LAMC1: variants seen among roughly 807,000 people sequenced by gnomAD.
LAMC1 encodes laminin subunit gamma-1.
A neutral mutation model predicts 173.6 loss-of-function variants in LAMC1; 38 were observed. That is an observed-to-expected ratio of 0.22 (90% CI 0.17 to 0.29). LAMC1 has a LOEUF of 0.29. LAMC1 is among the 10% of genes least tolerant of loss of function. The probability of loss-of-function intolerance (pLI) is 1.00; values close to 1 mark genes in which losing one functional copy is unlikely to be tolerated. For missense variants in LAMC1, 1,824 were observed against 2,051.8 expected, an observed-to-expected ratio of 0.89 and a Z score of 2.14; for synonymous variants, 746 against 749.1, an observed-to-expected ratio of 1.00 and a Z score of 0.07.
intron 1 of LAMC1, among the ~76,000 whole-genome samples, chr1:183,077,519 C>T (rs755743560): frequency 6.6e-6 from 1 of 152,030 alleles, no homozygotes; most frequent in Admixed American, 6.6e-5. Flanking sequence ...GCACTATACA[C>T]CACACCCTAT....
rs557391639 is a variant in LAMC1 at position 183,114,270 on chromosome 1, C to T, written c.1022-261C>T. ...ATTTTTAGTAGAGATGGGGTTTCAC[C>T]GTGTTGGCCAGGCTGGTCTCAAACT... On this transcript the variant is annotated intron_variant, in intron 4 of 27. Coordinates refer to ENST00000258341, the MANE Select transcript of LAMC1 (RefSeq NM_002293.4). 8.5e-5 allele frequency among the ~76,000 whole-genome samples: 13 copies of T among 152,232 alleles called. No individual in the cohort carries two copies. In the South Asian group the frequency reaches 1.5e-3, roughly 17 times the overall value.
In LAMC1 at chr1:183,131,320, A is replaced by T. The variant is rs1304662469; in HGVS notation, c.3508A>T (p.Thr1170Ser). The change falls in exon 20 of 28, where the codon ACA becomes TCA. Residue 1170 changes from threonine to serine, a missense_variant. Transcript: ENST00000258341. ...GCAGTCAGTCACTCAGCCAGAATCT[A>T]CAGGGGACCCAAACAACATGACTCT... ...ANVSVTQPES[T>S]GDPNNMTLLA... 6.2e-7 allele frequency: 1 copy of T among 1,613,966 alleles called. No individual in the cohort carries two copies. Among genetic ancestry groups the T allele is most frequent in the South Asian group, 1.1e-5 (1 of 91,078 alleles).
At chr1:183,024,232 C>A in intron 1 of LAMC1, 98 bp downstream of exon 1, 1 of 1,190,594 alleles carries the variant, frequency 8.4e-7, no homozygotes, top group Non-Finnish European at 1.2e-6. Context: ...CGCAGACGGC[C>A]GCGTGTTTGC....
intron 1 of LAMC1, among the ~76,000 whole-genome samples, chr1:183,031,551 G>T (rs1395821323): frequency 6.6e-6 from 1 of 152,206 alleles, no homozygotes; most frequent in East Asian, 1.9e-4. Context: ...TGATCTGCCC[G>T]TCGTGGCTGC....
intron 1 of LAMC1, among the ~76,000 whole-genome samples, chr1:183,062,497 T>C (rs1318540423): frequency 6.6e-6 from 1 of 151,948 alleles, no homozygotes; most frequent in African/African-American, 2.4e-5. Context: ...ACTAAAAATA[T>C]AAAAATTATC....
chr1:183,036,342 T>C lies in LAMC1; in HGVS notation c.418+12208T>C, dbSNP rs1002234629. ...CTCAAACTCCTGACTAGGTGAGCCA[T>C]CTGCCTTGGCCTCCCAAAGTGCTGG... On this transcript the variant is annotated intron_variant, in intron 1 of 27. Coordinates refer to ENST00000258341, the MANE Select transcript of LAMC1 (RefSeq NM_002293.4). 3.3e-5 allele frequency among the ~76,000 whole-genome samples: 5 copies of C among 151,280 alleles called. No individual in the cohort carries two copies. In the East Asian group the frequency reaches 9.7e-4, roughly 29 times the overall value.
intron 1 of LAMC1, among the ~76,000 whole-genome samples, chr1:183,031,996 A>T (rs975772770): frequency 3.3e-5 from 5 of 152,106 alleles, no homozygotes; most frequent in South Asian, 2.1e-4. Flanking sequence ...CTTTCTTGTG[A>T]TATAAAGTTA....
At chr1:183,102,813 C>T (rs1655868807) in intron 1 of LAMC1, among the ~76,000 whole-genome samples, 1 of 152,158 alleles carries the variant, frequency 6.6e-6, no homozygotes, top group Admixed American at 6.5e-5. Flanking sequence ...CTTCAAATGT[C>T]TGTATCTTAA....
intron 1 of LAMC1, among the ~76,000 whole-genome samples, chr1:183,095,686 C>T (rs910222650): frequency 3.9e-5 from 6 of 152,126 alleles, no homozygotes; most frequent in Admixed American, 3.3e-4. Flanking sequence ...TTTAGCCCAG[C>T]TCAAGGACTT....
At chr1:183,109,635 G>C (rs1248824723) in intron 3 of LAMC1, among the ~76,000 whole-genome samples, 5 of 152,180 alleles carry the variant, frequency 3.3e-5, no homozygotes, top group Admixed American at 3.3e-4. Flanking sequence ...ATGAGAGCTG[G>C]AGATCTAAAT....
chr1:183,044,888 T>C (rs1654225683), intron 1 of LAMC1, among the ~76,000 whole-genome samples: 1 of 151,758 alleles, frequency 6.6e-6, no homozygotes, highest in Non-Finnish European at 1.5e-5. Context: ...GTTTCTGTTA[T>C]ATTAATTGTA....
chr1:183,067,837 T>C (rs557611119), intron 1 of LAMC1, among the ~76,000 whole-genome samples: 1 of 152,294 alleles, frequency 6.6e-6, no homozygotes, highest in East Asian at 1.9e-4. Flanking sequence ...TTGTCAGTAT[T>C]GACCTTAATA....
In LAMC1 at chr1:183,023,802, C is replaced by T. The variant is rs754705431; in HGVS notation, c.86C>T (p.Ala29Val). The change falls in exon 1 of 28, where the codon GCG becomes GTG. Residue 29 changes from alanine (A) to valine (V), a missense_variant. Transcript: ENST00000258341. ...PVLAVLAAAA[A>V]AGCAQAAMDE... ...CTGGCCGTGCTGGCGGCGGCCGCCG[C>T]GGCGGGCTGTGCCCAGGCAGCCATG... is the stretch of plus-strand genomic sequence containing the variant. 8 of 1,515,130 alleles carry T rather than the reference C, an allele frequency of 5.3e-6. No homozygotes were observed. The highest frequency in any genetic ancestry group is 7.0e-6 in the Non-Finnish European group (8 of 1,134,900). The allele number at this position is 1,515,130 out of a possible 1,614,324, so 93.9% of individuals were successfully genotyped here. A position where few individuals can be genotyped will look rare whatever the true frequency, so the allele number is the denominator to read the frequency against.
rs201079710 is a variant in LAMC1 at position 183,129,082 on chromosome 1, CTTTTTTT to C, written c.3280+349_3280+355del. ...CATTAAAGGCATGCGTCTTCATAAG[CTTTTTTT>C]TTTTTTTTTTTTTTTTGAGCCACAA... On this transcript the variant is annotated intron_variant, in intron 18 of 27. Transcript: ENST00000258341. Among the ~76,000 whole-genome samples the C allele has an allele frequency of 1.1e-3, 121 of 109,972 alleles. 1 individual carries two copies. Among genetic ancestry groups the C allele is most frequent in the East Asian group, 2.9e-3 (11 of 3,738 alleles). 72.1% of individuals were successfully genotyped at this position (109,972 alleles called of 152,430 possible).
At chr1:183,074,349 A>G (rs1489119293) in intron 1 of LAMC1, among the ~76,000 whole-genome samples, 1 of 152,228 alleles carries the variant, frequency 6.6e-6, no homozygotes, top group Non-Finnish European at 1.5e-5. Context: ...CATGTGTAAA[A>G]TAAGTGCTGT....
At chr1:183,058,134 G>A (rs978544651) in intron 1 of LAMC1, among the ~76,000 whole-genome samples, 2 of 152,010 alleles carry the variant, frequency 1.3e-5, no homozygotes, top group Non-Finnish European at 2.9e-5. Context: ...GTCTCTATTG[G>A]CTACTTCATT....
intron 1 of LAMC1, among the ~76,000 whole-genome samples, chr1:183,082,215 G>A (rs575027903): frequency 6.6e-6 from 1 of 152,236 alleles, no homozygotes; most frequent in Admixed American, 6.5e-5. Flanking sequence ...ACATATTTTT[G>A]TGTGGACATA....
intron 8 of LAMC1, 34 bp from the exon 9 acceptor site, chr1:183,117,286 G>T: frequency 6.3e-7 from 1 of 1,589,208 alleles, no homozygotes. Context: ...TGTTTACAGT[G>T]TAAAGTGCTT....
At chr1:183,133,038 G>C (rs1193097090) in intron 21 of LAMC1, among the ~76,000 whole-genome samples, 1 of 152,094 alleles carries the variant, frequency 6.6e-6, no homozygotes, top group Non-Finnish European at 1.5e-5. Context: ...GGCCTCCTGA[G>C]TAGCTGGGAT....
Sources: allele counts gnomAD v4.1 joint callset (sites outside exome capture counted in the v4.1 genomes callset), GRCh38; gene constraint gnomAD v4.1.1; transcripts MANE v1.5; gene names NCBI Gene and HGNC (gene_info 2026-07-23, HGNC 2026-07-21).